Variants in MGAT4C observed in about 807,000 individuals in gnomAD.
The protein encoded by MGAT4C is alpha-1,3-mannosyl-glycoprotein 4-beta-N-acetylglucosaminyltransferase C.
In MGAT4C, 19 loss-of-function variants were observed where a neutral mutation model predicts 40.1. The observed-to-expected ratio is 0.47, with a 90% confidence interval of 0.33 to 0.70. The LOEUF (loss-of-function observed/expected upper bound fraction) is 0.70. MGAT4C is among the 30% of genes least tolerant of loss of function. MGAT4C has a pLI of 0.02. For missense variants in MGAT4C, 491 were observed against 563.2 expected (o/e 0.87, Z 1.30); for synonymous variants, 181 against 187.1 (o/e 0.97, Z 0.27).
intron 2 of MGAT4C, among the ~76,000 whole-genome samples, chr12:86,003,353 T>C (rs545858468): frequency 6.6e-6 from 1 of 152,276 alleles, no homozygotes; most frequent in East Asian, 1.9e-4. Context: ...AATCAGGTAA[T>C]ATGTCTTCTA....
At position 86,061,491 on chromosome 12, in the gene MGAT4C, C is replaced by T. The variant is rs563208094; in HGVS notation, c.-56-11768G>A. Among the ~76,000 whole-genome samples, 3 of 151,176 alleles carry T rather than the reference C, an allele frequency of 2.0e-5. No individual in the cohort carries two copies. The East Asian group carries it at 5.9e-4, about 30-fold the overall frequency. On this transcript the variant is annotated intron_variant, in intron 1 of 4. Transcript: ENST00000611864. ...TTTTTTTTGTTTTTTTTTTTCCATGCCCCAGTGGTGCCTGCAACGCAAGCT... is the reference window on the plus strand; with the variant it reads ...TTTTTTTTGTTTTTTTTTTTCCATGTCCCAGTGGTGCCTGCAACGCAAGCT...
chr12:86,514,709 G>A (rs1418310432), intron 2 of MGAT4C, among the ~76,000 whole-genome samples: 3 of 152,180 alleles, frequency 2.0e-5, no homozygotes, highest in African/African-American at 7.2e-5. Flanking sequence ...GTCAGCTGAT[G>A]AGCATTCTTA....
chr12:86,233,579 C>T (rs1951414454), intron 1 of MGAT4C, among the ~76,000 whole-genome samples: 1 of 152,038 alleles, frequency 6.6e-6, no homozygotes, highest in African/African-American at 2.4e-5. Context: ...TTTCTTTCTG[C>T]TACAACTACA....
chr12:86,412,849 G>A (rs1956632378), intron 3 of MGAT4C, among the ~76,000 whole-genome samples: 1 of 152,144 alleles, frequency 6.6e-6, no homozygotes, highest in Non-Finnish European at 1.5e-5. Flanking sequence ...TGTTAGAGAA[G>A]GGGCCTGGTG....
At chr12:86,112,372 T>C (rs1183018477) in intron 1 of MGAT4C, among the ~76,000 whole-genome samples, 1 of 151,676 alleles carries the variant, frequency 6.6e-6, no homozygotes, top group African/African-American at 2.4e-5. Context: ...AATGTCCTTG[T>C]AGGCTCATCT....
chr12:86,735,340 T>G (rs963668435), intron 1 of MGAT4C, among the ~76,000 whole-genome samples: 1 of 151,822 alleles, frequency 6.6e-6, no homozygotes, highest in East Asian at 1.9e-4. Context: ...AAGGTGATGA[T>G]TTCAGTTGAT....
chr12:86,799,226 A>T (rs1431537558), intron 1 of MGAT4C, among the ~76,000 whole-genome samples: 1 of 151,656 alleles, frequency 6.6e-6, no homozygotes, highest in Admixed American at 6.6e-5. Context: ...ATATTTTTCC[A>T]GTGGTTTCTG....
chr12:86,589,094 A>G (rs1961203854), intron 2 of MGAT4C, among the ~76,000 whole-genome samples: 1 of 151,782 alleles, frequency 6.6e-6, no homozygotes, highest in Admixed American at 6.6e-5. Flanking sequence ...AAACCCTTCA[A>G]AAAATTAATG....
At chr12:86,776,185 G>C (rs1951746311) in intron 1 of MGAT4C, among the ~76,000 whole-genome samples, 2 of 151,942 alleles carry the variant, frequency 1.3e-5, no homozygotes, top group African/African-American at 4.8e-5. Context: ...TTTAGCTCAG[G>C]GACCATTGAT....
intron 3 of MGAT4C, among the ~76,000 whole-genome samples, chr12:86,381,406 C>T (rs1016826639): frequency 6.6e-6 from 1 of 152,082 alleles, no homozygotes; most frequent in African/African-American, 2.4e-5. Context: ...GCCTTACGAC[C>T]CGGGGAGGTC....
chr12:86,543,751 T>A (rs888184465), intron 2 of MGAT4C, among the ~76,000 whole-genome samples: 8 of 152,138 alleles, frequency 5.3e-5, no homozygotes, highest in Non-Finnish European at 8.8e-5. Flanking sequence ...CAAAAGATAA[T>A]CCAAAATCTA....
At chr12:86,811,713 G>T (rs961268707) in intron 1 of MGAT4C, among the ~76,000 whole-genome samples, 1 of 151,070 alleles carries the variant, frequency 6.6e-6, no homozygotes, top group African/African-American at 2.4e-5. Flanking sequence ...GACAATTTGT[G>T]TTTTCTTTTA....
At chr12:86,214,647 G>T (rs1950599948) in intron 1 of MGAT4C, among the ~76,000 whole-genome samples, 1 of 152,090 alleles carries the variant, frequency 6.6e-6, no homozygotes, top group African/African-American at 2.4e-5. Context: ...TTTCTATTCT[G>T]CCTCTTCCTA....
In MGAT4C at chr12:85,955,775, G is replaced by C. The variant is rs117799916; in HGVS notation, c.*23514C>G. The C allele has an allele frequency of 6.6e-6, 1 of 152,052 alleles. No homozygotes were observed. Among genetic ancestry groups the C allele is most frequent in the Admixed American group, 6.6e-5 (1 of 15,256 alleles). 9.4% of individuals were successfully genotyped at this position (152,052 alleles called of 1,614,324 possible). On this transcript the variant is annotated 3_prime_UTR_variant, in exon 5 of 5. Transcript: ENST00000611864. ...ATAAATTGCAGACACAGGTATTAAA[G>C]CCATCAAGCATACTGGTTCACCATG...
At chr12:86,792,792 G>A (rs1444970591) in intron 1 of MGAT4C, among the ~76,000 whole-genome samples, 1 of 152,096 alleles carries the variant, frequency 6.6e-6, no homozygotes, top group African/African-American at 2.4e-5. Context: ...TTAGCCAGGT[G>A]TGGTGGCGGA....
chr12:86,524,195 G>C (rs1172796106), intron 2 of MGAT4C, among the ~76,000 whole-genome samples: 1 of 152,142 alleles, frequency 6.6e-6, no homozygotes, highest in Non-Finnish European at 1.5e-5. Flanking sequence ...ACACGTCTAT[G>C]TACTTCAGCC....
chr12:86,354,455 TA>T lies in MGAT4C; in HGVS notation c.-119-20329del, dbSNP rs534992946. ...CTATGTTAGAATTATTAGTAGACTTTAAAGCAGATATTATAAATGCGTCTCG... is the reference window on the plus strand; with the variant it reads ...CTATGTTAGAATTATTAGTAGACTTTAAGCAGATATTATAAATGCGTCTCG... On this transcript the variant is annotated intron_variant, in intron 3 of 7. Coordinates refer to the MGAT4C transcript ENST00000548651. 3.9e-3 allele frequency among the ~76,000 whole-genome samples: 588 copies of T among 152,268 alleles called. 3 individuals carry two copies. The highest frequency in any genetic ancestry group is 8.6e-3 in the Admixed American group (132 of 15,286).
At chr12:86,462,580 T>C (rs747799988) in intron 2 of MGAT4C, among the ~76,000 whole-genome samples, 1 of 152,134 alleles carries the variant, frequency 6.6e-6, no homozygotes, top group African/African-American at 2.4e-5. Flanking sequence ...AGTCCCACAA[T>C]AGGATGTCTG....
chr12:86,749,708 T>C (rs1218986487), intron 1 of MGAT4C, among the ~76,000 whole-genome samples: 1 of 151,732 alleles, frequency 6.6e-6, no homozygotes, highest in Non-Finnish European at 1.5e-5. Context: ...ATTTTGGAGA[T>C]TGTGCAGTGT....
Sources: gnomAD v4.1 joint callset for allele counts (sites outside exome capture counted in the v4.1 genomes callset) on GRCh38, gnomAD v4.1.1 for gene constraint, MANE v1.5 for transcripts, NCBI Gene and HGNC (gene_info 2026-07-23, HGNC 2026-07-21) for gene names.